The following HMBOX1 variants were observed in gnomAD, a reference collection of about 807,000 sequenced individuals.
HMBOX1 encodes the protein homeobox-containing protein 1.
Under a neutral mutation model 54.5 loss-of-function variants are expected in HMBOX1, and 14 were observed. That is an observed-to-expected ratio of 0.26 (90% CI 0.17 to 0.40). HMBOX1 has a LOEUF of 0.40. Ranked by LOEUF, HMBOX1 falls within the 10% of genes least tolerant of loss-of-function variation. The pLI is 1.00. For synonymous variants in HMBOX1, 160 were observed against 181.0 expected (o/e 0.88, Z 0.93); for missense variants, 332 against 514.4 (o/e 0.65, Z 3.43).
chr8:29,009,325 A>G, intron 5 of HMBOX1, 143 bp downstream of exon 5: 1 of 1,038,120 alleles, frequency 9.6e-7, no homozygotes, highest in Non-Finnish European at 1.4e-6. Context: ...GACTCTTAAC[A>G]GTAAAAGCTA....
intron 1 of HMBOX1, among the ~76,000 whole-genome samples, chr8:28,910,642 A>T (rs1483836433): frequency 2.0e-5 from 3 of 152,112 alleles, no homozygotes; most frequent in Admixed American, 6.5e-5. Context: ...GCATGTTTTC[A>T]TGTGCTTATT....
At chr8:28,935,309 C>G (rs368195204) in intron 1 of HMBOX1, among the ~76,000 whole-genome samples, 7 of 151,734 alleles carry the variant, frequency 4.6e-5, no homozygotes, top group Admixed American at 1.3e-4. Context: ...CTATAATAAG[C>G]CAATTTAAAA....
intron 6 of HMBOX1, among the ~76,000 whole-genome samples, chr8:29,024,485 T>TG: frequency 6.6e-6 from 1 of 152,254 alleles, no homozygotes; most frequent in East Asian, 1.9e-4. Context: ...GGTAGGAGTG[T>TG]GGATAATGGA....
At chr8:28,893,401 T>C (rs1201474977) in intron 1 of HMBOX1, among the ~76,000 whole-genome samples, 1 of 152,224 alleles carries the variant, frequency 6.6e-6, no homozygotes, top group African/African-American at 2.4e-5. Context: ...TGTGATTGCT[T>C]CTAAAGATGT....
chr8:28,935,662 A>G (rs1389874148), intron 1 of HMBOX1, among the ~76,000 whole-genome samples: 1 of 152,202 alleles, frequency 6.6e-6, no homozygotes, highest in Non-Finnish European at 1.5e-5. Flanking sequence ...AAAAACATGA[A>G]CAATAAGAGA....
chr8:28,960,744 T>C (rs2132240376), intron 1 of HMBOX1, among the ~76,000 whole-genome samples: 1 of 59,686 alleles, frequency 1.7e-5, no homozygotes, highest in African/African-American at 6.1e-5. Context: ...GTAAACTTAT[T>C]CTCTTTTTCT....
chr8:29,038,848 A>G (rs1804356004), intron 6 of HMBOX1, among the ~76,000 whole-genome samples: 1 of 152,222 alleles, frequency 6.6e-6, no homozygotes, highest in Non-Finnish European at 1.5e-5. Flanking sequence ...TTGCCTAGAA[A>G]GTTAACTCCA....
intron 3 of HMBOX1, among the ~76,000 whole-genome samples, chr8:28,979,336 A>C (rs1174689494): frequency 1.3e-5 from 2 of 152,234 alleles, no homozygotes; most frequent in Non-Finnish European, 2.9e-5. Flanking sequence ...TGTTGAGTCT[A>C]AGTAAAAATT....
chr8:28,940,701 CT>C (rs1821249093), intron 1 of HMBOX1, among the ~76,000 whole-genome samples: 1 of 152,202 alleles, frequency 6.6e-6, no homozygotes, highest in Non-Finnish European at 1.5e-5. Flanking sequence ...TGGCTTCCAA[CT>C]GATACGTAAT....
chr8:28,998,372 C>T (rs1194802001), intron 4 of HMBOX1, among the ~76,000 whole-genome samples: 1 of 151,956 alleles, frequency 6.6e-6, no homozygotes, highest in Non-Finnish European at 1.5e-5. Context: ...TTATATCTTC[C>T]TCGTTAATTG....
chr8:28,904,709 C>T (rs1344713717), intron 1 of HMBOX1, among the ~76,000 whole-genome samples: 1 of 149,222 alleles, frequency 6.7e-6, no homozygotes, highest in African/African-American at 2.5e-5. Context: ...TGGAGTCTCG[C>T]TCTGTCACCC....
chr8:28,940,266 CA>C (rs1821135587), intron 1 of HMBOX1, among the ~76,000 whole-genome samples: 2 of 152,186 alleles, frequency 1.3e-5, no homozygotes, highest in Non-Finnish European at 2.9e-5. Flanking sequence ...CTCAGCCTCC[CA>C]AAGTGCTGGG....
chr8:28,986,398 A>C (rs929995778), intron 4 of HMBOX1, among the ~76,000 whole-genome samples: 3 of 152,236 alleles, frequency 2.0e-5, no homozygotes, highest in Non-Finnish European at 4.4e-5. Flanking sequence ...CTATATTAGT[A>C]AAGCAATGCT....
intron 1 of HMBOX1, among the ~76,000 whole-genome samples, chr8:28,893,007 CAT>C (rs1487146428): frequency 6.6e-6 from 1 of 152,090 alleles, no homozygotes; most frequent in Non-Finnish European, 1.5e-5. Flanking sequence ...AAAAAACCAA[CAT>C]GTTTGTTAAT....
At chr8:29,012,153 A>G (rs1054929254) in intron 5 of HMBOX1, among the ~76,000 whole-genome samples, 2 of 152,186 alleles carry the variant, frequency 1.3e-5, no homozygotes, top group African/African-American at 4.8e-5. Context: ...TTGCATTTTG[A>G]CATTTATTAT....
chr8:29,049,163 C>A (rs1563650004), intron 9 of HMBOX1, 115 bp downstream of exon 9: 3 of 1,472,904 alleles, frequency 2.0e-6, no homozygotes, highest in Non-Finnish European at 2.8e-6. Flanking sequence ...AGTCACTGTC[C>A]CTCCACTCTG....
chr8:28,944,202 C>T (rs1025420168), intron 1 of HMBOX1, among the ~76,000 whole-genome samples: 8 of 152,160 alleles, frequency 5.3e-5, no homozygotes, highest in South Asian at 2.1e-4. Context: ...TTAGTCACAA[C>T]GTACAGAATC....
chr8:28,917,824 C>T (rs1374592769), intron 1 of HMBOX1, among the ~76,000 whole-genome samples: 2 of 152,158 alleles, frequency 1.3e-5, no homozygotes, highest in African/African-American at 2.4e-5. Flanking sequence ...TGGAGAATTA[C>T]ATTGACTGAT....
At chr8:28,953,840 A>G (rs1823942544) in intron 1 of HMBOX1, among the ~76,000 whole-genome samples, 1 of 152,132 alleles carries the variant, frequency 6.6e-6, no homozygotes, top group African/African-American at 2.4e-5. Context: ...GCTCTTTTAC[A>G]TGTTTGCAAA....
Sources: allele counts gnomAD v4.1 joint callset (sites outside exome capture counted in the v4.1 genomes callset), GRCh38; gene constraint gnomAD v4.1.1; transcripts MANE v1.5; gene names NCBI Gene and HGNC (gene_info 2026-07-23, HGNC 2026-07-21).